Variants in REV3L observed in about 807,000 individuals in gnomAD.
The protein encoded by REV3L is REV3 like, DNA directed polymerase zeta catalytic subunit.
REV3L carries 69 observed loss-of-function variants against 299.4 expected under a neutral mutation model. The observed-to-expected ratio is 0.23, with a 90% CI of 0.19 to 0.28. The LOEUF (loss-of-function observed/expected upper bound fraction) is 0.28. Ranked by LOEUF, REV3L falls within the 10% of genes least tolerant of loss-of-function variation. REV3L has a pLI of 1.00. For synonymous variants in REV3L, 1,238 were observed against 1,271.4 expected, an observed-to-expected ratio of 0.97 and a Z score of 0.56; for missense variants, 3,128 against 3,693.8, an observed-to-expected ratio of 0.85 and a Z score of 3.97.
At position 111,389,238 on chromosome 6, in the gene REV3L, A is replaced by G. The variant is rs201712078; in HGVS notation, c.758-28T>C. The G allele has an allele frequency of 2.0e-6, 3 of 1,514,122 alleles. No individual in the cohort carries two copies. In the East Asian group the frequency reaches 6.8e-5, roughly 34 times the overall value. The allele number at this position is 1,514,122 out of a possible 1,614,324, so 93.8% of individuals were successfully genotyped here. A position where few individuals can be genotyped will look rare whatever the true frequency, so the allele number is the denominator to read the frequency against. ...GTAATCACAATAATACTTCAATACT[A>G]CAGGGTCAAAGTAAGAAATGCCTAA... is the stretch of plus-strand genomic sequence containing the variant. On this transcript the variant is annotated intron_variant, in intron 6 of 31. Coordinates refer to ENST00000368802, the MANE Select transcript of REV3L (RefSeq NM_001372078.1).
At chr6:111,333,413 A>C (rs1268790679) in intron 22 of REV3L, 46 bp from the exon 23 acceptor site, 1 of 1,598,916 alleles carries the variant, frequency 6.3e-7, no homozygotes. Flanking sequence ...ACAGTTAAAT[A>C]TATTGGTCAT....
At chr6:111,369,539 T>C (rs1397884202) in intron 13 of REV3L, among the ~76,000 whole-genome samples, 2 of 151,974 alleles carry the variant, frequency 1.3e-5, no homozygotes, top group Non-Finnish European at 2.9e-5. Flanking sequence ...GTGGCAAAAT[T>C]GCAAACAACC....
At chr6:111,448,268 G>T (rs1789090639) in intron 1 of REV3L, among the ~76,000 whole-genome samples, 2 of 152,168 alleles carry the variant, frequency 1.3e-5, no homozygotes, top group African/African-American at 4.8e-5. Context: ...TTTATACCAT[G>T]CAACGAAGAT....
At chr6:111,307,963 G>A (rs1772519151) in intron 30 of REV3L, 2 of 286,410 alleles carry the variant, frequency 7.0e-6, no homozygotes, top group South Asian at 6.3e-5. Flanking sequence ...AGGCCCTGGT[G>A]TGTGATGTTC....
chr6:111,404,979 C>T (rs1488431241), intron 4 of REV3L, among the ~76,000 whole-genome samples: 1 of 152,074 alleles, frequency 6.6e-6, no homozygotes, highest in Non-Finnish European at 1.5e-5. Context: ...GTCCACTAAC[C>T]TACAGCTATT....
intron 1 of REV3L, among the ~76,000 whole-genome samples, chr6:111,428,206 C>A (rs1403186579): frequency 2.0e-5 from 3 of 152,052 alleles, no homozygotes; most frequent in Admixed American, 2.0e-4. Context: ...CTCAAACAGA[C>A]AAAGCAAGGA....
At chr6:111,453,417 G>A (rs968236334) in intron 1 of REV3L, among the ~76,000 whole-genome samples, 4 of 152,132 alleles carry the variant, frequency 2.6e-5, no homozygotes, top group Admixed American at 6.5e-5. Flanking sequence ...ATTTCATGGA[G>A]ACGTAGGGGG....
intron 1 of REV3L, among the ~76,000 whole-genome samples, chr6:111,455,994 G>C (rs1045188782): frequency 1.3e-5 from 2 of 152,184 alleles, no homozygotes; most frequent in African/African-American, 4.8e-5. Context: ...TGCAGATCAA[G>C]TAGGGGAAAT....
rs538731339 is a variant in REV3L at position 111,424,368 on chromosome 6, G to A, written c.140-7896C>T. On this transcript the variant is annotated intron_variant, in intron 1 of 31. Transcript: ENST00000368802. ...AGGCATTTACAAAATTGCTGAGTAA[G>A]GACCTTTCAATATCTGTTCCTCCAT... Among the ~76,000 whole-genome samples, 9 of 152,236 alleles carry A rather than the reference G, an allele frequency of 5.9e-5. No individual in the cohort carries two copies. The South Asian group carries it at 1.9e-3, about 32-fold the overall frequency.
At position 111,313,333 on chromosome 6, in the gene REV3L, CAAGATAGAT is replaced by C. The variant is rs1478880812; in HGVS notation, c.8604+10_8604+18del. 1.9e-6 allele frequency: 3 copies of C among 1,596,752 alleles called. No homozygotes were observed. The highest frequency in any genetic ancestry group is 2.6e-6 in the Non-Finnish European group (3 of 1,174,724). ...GCCACTTATTTCTTACAGATGAAGA[CAAGATAGAT>C]AAACCTTACCTTAGAAACAGCAGGG... On this transcript the variant is annotated intron_variant, in intron 28 of 31. Coordinates refer to ENST00000368802, the MANE Select transcript of REV3L (RefSeq NM_001372078.1).
chr6:111,300,303 T>C, intron 31 of REV3L, 147 bp from the exon 32 acceptor site: 1 of 578,542 alleles, frequency 1.7e-6, no homozygotes, highest in Non-Finnish European at 2.8e-6. Flanking sequence ...TTTAATCTCT[T>C]GGAAGCCTAG....
intron 1 of REV3L, among the ~76,000 whole-genome samples, chr6:111,475,022 C>CACACACAT (rs1455168117): frequency 4.8e-4 from 68 of 142,646 alleles, no homozygotes; most frequent in African/African-American, 1.7e-3. Context: ...CACACACACA[C>CACACACAT]ATATGGATTT....
At chr6:111,318,647 C>T (rs1415344708) in intron 26 of REV3L, among the ~76,000 whole-genome samples, 1 of 152,122 alleles carries the variant, frequency 6.6e-6, no homozygotes, top group Middle Eastern at 3.2e-3. Flanking sequence ...TCTCAGCTCA[C>T]CGCAACCTCT....
At chr6:111,431,183 A>G (rs1411135051) in intron 1 of REV3L, 71 of 1,564,360 alleles carry the variant, frequency 4.5e-5, no homozygotes, top group Non-Finnish European at 2.6e-6. Context: ...ACGTGCCAAG[A>G]TTATCCATCT....
intron 21 of REV3L, among the ~76,000 whole-genome samples, chr6:111,338,312 C>T (rs572175084): frequency 0.039 from 1,871 of 47,838 alleles, 28 homozygotes; most frequent in South Asian, 0.11. Context: ...GTCTAAAGTC[C>T]TTTTTTTTTT....
At chr6:111,301,418 T>A (rs1298572941) in intron 31 of REV3L, among the ~76,000 whole-genome samples, 1 of 151,242 alleles carries the variant, frequency 6.6e-6, no homozygotes, top group Non-Finnish European at 1.5e-5. Flanking sequence ...AAACCCCTAA[T>A]AAAAACTTGC....
At chr6:111,324,576 G>C (rs1197591019) in intron 25 of REV3L, among the ~76,000 whole-genome samples, 1 of 152,146 alleles carries the variant, frequency 6.6e-6, no homozygotes, top group Non-Finnish European at 1.5e-5. Flanking sequence ...ATACATAGTG[G>C]TCTTAAATGT....
chr6:111,407,332 T>C (rs1783751303), intron 3 of REV3L, among the ~76,000 whole-genome samples: 1 of 152,100 alleles, frequency 6.6e-6, no homozygotes, highest in Non-Finnish European at 1.5e-5. Flanking sequence ...TAAATAAGTC[T>C]GTAGAGGGAA....
At chr6:111,417,125 A>C (rs1784856938) in intron 1 of REV3L, among the ~76,000 whole-genome samples, 1 of 152,202 alleles carries the variant, frequency 6.6e-6, no homozygotes, top group African/African-American at 2.4e-5. Flanking sequence ...GGGGAGACAA[A>C]AGGCCAACAT....
Sources: gnomAD v4.1 joint callset for allele counts (sites outside exome capture counted in the v4.1 genomes callset) on GRCh38, gnomAD v4.1.1 for gene constraint, MANE v1.5 for transcripts, NCBI Gene and HGNC (gene_info 2026-07-23, HGNC 2026-07-21) for gene names.